Variants in SHISA9 observed in about 807,000 individuals in gnomAD.
The protein encoded by SHISA9 is shisa family member 9.
SHISA9 carries 13 observed loss-of-function variants against 38.0 expected under a neutral mutation model. The observed-to-expected ratio is 0.34, with a 90% CI of 0.22 to 0.54. The LOEUF (loss-of-function observed/expected upper bound fraction) is 0.54, where lower values mean the gene tolerates loss of function less well. Among genes scored for constraint, SHISA9 ranks in the 20% least tolerant of loss-of-function variants. SHISA9 has a pLI of 0.91. For synonymous variants in SHISA9, 275 were observed against 242.0 expected (o/e 1.14, Z -1.27); for missense variants, 538 against 575.8 (o/e 0.93, Z 0.67).
chr16:13,275,810 A>G, the SHISA9 span, among the ~76,000 whole-genome samples: 4 of 151,646 alleles, frequency 2.6e-5, no homozygotes, highest in South Asian at 2.1e-4. Context: ...TCTGAAAATA[A>G]CCTCTCTTTC....
intron 2 of SHISA9, among the ~76,000 whole-genome samples, chr16:12,949,109 T>C (rs201030835): frequency 2.6e-5 from 4 of 152,220 alleles, no homozygotes; most frequent in Non-Finnish European, 4.4e-5. Flanking sequence ...TAGATATTTG[T>C]ACCCTTCTCT....
At chr16:13,318,767 CAT>C in the SHISA9 span, among the ~76,000 whole-genome samples, 1 of 152,242 alleles carries the variant, frequency 6.6e-6, no homozygotes, top group Admixed American at 6.5e-5. Context: ...GTACCTGACA[CAT>C]AGAAGGTGCT....
intron 2 of SHISA9, among the ~76,000 whole-genome samples, chr16:13,142,989 C>CTTTTATTTTATTTTATTTTA (rs3075119): frequency 0.057 from 8,023 of 141,322 alleles, 707 homozygotes; most frequent in African/African-American, 0.17. Context: ...TAGCTGTTTC[C>CTTTTATTTTATTTTATTTTA]TTTTATTTTA....
At chr16:13,516,146 C>G in the SHISA9 span, among the ~76,000 whole-genome samples, 1 of 152,192 alleles carries the variant, frequency 6.6e-6, no homozygotes, top group East Asian at 1.9e-4. Context: ...CCAAGCTGAT[C>G]TTCAACCCAG....
chr16:13,357,680 C>T, the SHISA9 span, among the ~76,000 whole-genome samples: 128 of 151,906 alleles, frequency 8.4e-4, no homozygotes, highest in Admixed American at 1.6e-3. Context: ...AGAGAGTCAG[C>T]GAAGGGACAT....
chr16:13,346,714 C>A, the SHISA9 span, among the ~76,000 whole-genome samples: 13,429 of 152,140 alleles, frequency 0.088, 710 homozygotes, highest in South Asian at 0.21. Flanking sequence ...GGTGTCTACC[C>A]AAAGGAAAAT....
At chr16:13,027,856 G>A (rs1159629595) in intron 2 of SHISA9, among the ~76,000 whole-genome samples, 2 of 150,464 alleles carry the variant, frequency 1.3e-5, no homozygotes, top group Non-Finnish European at 1.5e-5. Context: ...GAACCCAGGA[G>A]GCGGAGGTTG....
the SHISA9 span, among the ~76,000 whole-genome samples, chr16:13,512,152 AG>A: frequency 1.3e-5 from 2 of 152,174 alleles, no homozygotes; most frequent in African/African-American, 4.8e-5. Context: ...CTTAGAACAA[AG>A]CTCAAGAATA....
the SHISA9 span, among the ~76,000 whole-genome samples, chr16:13,281,756 A>G: frequency 4.0e-5 from 6 of 151,556 alleles, no homozygotes; most frequent in Admixed American, 2.6e-4. Context: ...TTTCACACCA[A>G]TTAATGTACA....
intron 2 of SHISA9, among the ~76,000 whole-genome samples, chr16:13,164,623 T>C (rs1011405069): frequency 2.0e-5 from 3 of 152,158 alleles, no homozygotes; most frequent in Middle Eastern, 3.2e-3. Context: ...AATGTGAGCA[T>C]TTATGCTATA....
At chr16:13,145,351 C>T (rs772504107) in intron 2 of SHISA9, among the ~76,000 whole-genome samples, 2 of 152,114 alleles carry the variant, frequency 1.3e-5, no homozygotes, top group Non-Finnish European at 2.9e-5. Context: ...ATGGCAAAAC[C>T]CTGTCTCTAC....
intron 2 of SHISA9, among the ~76,000 whole-genome samples, chr16:13,037,088 C>CCACACACA (rs71147781): frequency 1.5e-5 from 2 of 129,652 alleles, no homozygotes; most frequent in Non-Finnish European, 3.2e-5. Context: ...ACACACCACA[C>CCACACACA]CACACACACA....
chr16:13,504,091 T>C, the SHISA9 span, among the ~76,000 whole-genome samples: 2 of 152,156 alleles, frequency 1.3e-5, no homozygotes, highest in Admixed American at 6.5e-5. Context: ...GGCTTTAGAG[T>C]GCAACATATT....
At chr16:13,281,413 A>G in the SHISA9 span, among the ~76,000 whole-genome samples, 3 of 151,640 alleles carry the variant, frequency 2.0e-5, no homozygotes, top group Admixed American at 6.6e-5. Context: ...TTTTATTTCA[A>G]AATGTGCATC....
the SHISA9 span, among the ~76,000 whole-genome samples, chr16:13,360,933 C>T: frequency 6.6e-6 from 1 of 152,154 alleles, no homozygotes; most frequent in Admixed American, 6.5e-5. Context: ...ATGTCCCCTT[C>T]ACCAGCTTTT....
chr16:13,108,757 T>G (rs1438538019), intron 2 of SHISA9, among the ~76,000 whole-genome samples: 1 of 152,222 alleles, frequency 6.6e-6, no homozygotes, highest in Non-Finnish European at 1.5e-5. Flanking sequence ...TGATTTGATC[T>G]TTTTCATTTA....
chr16:13,537,243 C>A, the SHISA9 span, among the ~76,000 whole-genome samples: 1 of 152,052 alleles, frequency 6.6e-6, no homozygotes, highest in Admixed American at 6.6e-5. Context: ...GCCTGGCCCA[C>A]ATGGTGAAAC....
chr16:13,224,772 T>C (rs925651800), intron 4 of SHISA9, among the ~76,000 whole-genome samples: 1 of 152,148 alleles, frequency 6.6e-6, no homozygotes, highest in East Asian at 1.9e-4. Context: ...GTGTCTTCTT[T>C]GGGTATTAGG....
chr16:13,458,738 A>G, the SHISA9 span: 1 of 208,680 alleles, frequency 4.8e-6, no homozygotes, highest in Non-Finnish European at 1.0e-5. Context: ...AACATTTAAG[A>G]CAGAGGCTCA....
Sources: gnomAD v4.1 joint callset for allele counts (sites outside exome capture counted in the v4.1 genomes callset) on GRCh38, gnomAD v4.1.1 for gene constraint, MANE v1.5 for transcripts, NCBI Gene and HGNC (gene_info 2026-07-23, HGNC 2026-07-21) for gene names.